RASGRF2: variants seen among roughly 807,000 people sequenced by gnomAD.
RASGRF2 encodes Ras protein specific guanine nucleotide releasing factor 2.
Under a neutral mutation model 151.0 loss-of-function variants are expected in RASGRF2, and 76 were observed. The ratio of observed to expected loss-of-function variants is 0.50; its 90% confidence interval spans 0.42 to 0.61. RASGRF2 has a LOEUF of 0.61. RASGRF2 is among the 20% of genes least tolerant of loss of function. The pLI, the probability that RASGRF2 is intolerant of heterozygous loss-of-function variation, is 0.00. For missense variants in RASGRF2, 1,148 were observed against 1,564.6 expected (o/e 0.73, Z 4.49); for synonymous variants, 504 against 566.5 (o/e 0.89, Z 1.57).
In RASGRF2 at chr5:81,225,841, G is replaced by A; in HGVS notation, c.*71G>A. 1 of 1,522,094 alleles carries A rather than the reference G, an allele frequency of 6.6e-7. No individual in the cohort carries two copies. The highest frequency in any genetic ancestry group is 8.9e-7 in the Non-Finnish European group (1 of 1,122,000). 94.3% of individuals were successfully genotyped at this position (1,522,094 alleles called of 1,614,324 possible). A position where few individuals can be genotyped will look rare whatever the true frequency, so the allele number is the denominator to read the frequency against. On this transcript the variant is annotated 3_prime_UTR_variant, in exon 27 of 27. Coordinates refer to ENST00000265080, the MANE Select transcript of RASGRF2 (RefSeq NM_006909.3). ...GGACAGACAGAATTGTGTATGCCTT[G>A]CCTATCACGGTACAGCACGAAGCCA...
At chr5:80,972,556 T>G (rs892957436) in intron 1 of RASGRF2, among the ~76,000 whole-genome samples, 6 of 152,174 alleles carry the variant, frequency 3.9e-5, no homozygotes, top group African/African-American at 1.2e-4. Flanking sequence ...CTCAGCTCAC[T>G]GCAGTCTTTG....
At chr5:81,018,845 C>G (rs563571219) in intron 1 of RASGRF2, among the ~76,000 whole-genome samples, 6 of 149,858 alleles carry the variant, frequency 4.0e-5, no homozygotes, top group African/African-American at 1.5e-4. Flanking sequence ...CTGTGTCACC[C>G]AGGCTGGAGC....
chr5:81,070,081 A>G (rs1477742379), intron 3 of RASGRF2: 3 of 172,660 alleles, frequency 1.7e-5, no homozygotes, highest in Non-Finnish European at 3.8e-5. Context: ...ACTACAGGCC[A>G]ATGGCCAGAA....
At chr5:81,056,321 T>C (rs1175207544) in intron 2 of RASGRF2, among the ~76,000 whole-genome samples, 5 of 152,214 alleles carry the variant, frequency 3.3e-5, no homozygotes, top group African/African-American at 1.2e-4. Context: ...GATTCTTGTA[T>C]GTTGTGTCTT....
At chr5:81,018,327 G>A (rs1749708335) in intron 1 of RASGRF2, among the ~76,000 whole-genome samples, 1 of 152,062 alleles carries the variant, frequency 6.6e-6, no homozygotes, top group Non-Finnish European at 1.5e-5. Context: ...CCTGTTTTAT[G>A]CCGACCTTAC....
At chr5:81,064,151 G>A (rs1284291068) in intron 2 of RASGRF2, among the ~76,000 whole-genome samples, 1 of 152,196 alleles carries the variant, frequency 6.6e-6, no homozygotes, top group African/African-American at 2.4e-5. Context: ...AACTGGGGAA[G>A]GATCCACTTC....
At position 81,070,526 on chromosome 5, in the gene RASGRF2, G is replaced by T; in HGVS notation, c.578G>T (p.Arg193Leu). The change falls in exon 4 of 27, where the codon CGA becomes CTA. Residue 193 changes from arginine (R) to leucine (L), a missense_variant. Physicochemically the swap from Arg to Leu is moderately radical, Grantham distance 102. Around this residue, in one of 5 missense-constraint regions of RASGRF2, gnomAD observed 221 missense variants for 271.3 expected, o/e 0.81. Transcript: ENST00000265080. Reference protein sequence around the residue: ...IALNKTKERMRPYQSNQEDED... With the variant: ...IALNKTKERMLPYQSNQEDED... ...CTTAATAAAACCAAAGAACGAATGCGACCTTACCAAAGCAACCAAGAAGAC... is the reference window on the plus strand; with the variant it reads ...CTTAATAAAACCAAAGAACGAATGCTACCTTACCAAAGCAACCAAGAAGAC... 1.2e-6 allele frequency: 2 copies of T among 1,611,416 alleles called. No homozygotes were observed. Among genetic ancestry groups the T allele is most frequent in the South Asian group, 2.2e-5 (2 of 90,974 alleles).
chr5:81,217,178 T>C (rs886850713), intron 24 of RASGRF2, among the ~76,000 whole-genome samples, 178 bp from the exon 25 acceptor site: 1 of 152,256 alleles, frequency 6.6e-6, no homozygotes, highest in African/African-American at 2.4e-5. Flanking sequence ...TGTATTATAT[T>C]CTACTGTGAA....
In RASGRF2 at chr5:81,113,286, A is replaced by G. The variant is rs1753052356; in HGVS notation, c.2088-252A>G. On this transcript the variant is annotated intron_variant, in intron 14 of 26. Coordinates refer to ENST00000265080, the MANE Select transcript of RASGRF2 (RefSeq NM_006909.3). ...GAGCCTGAGTTCTGAACGTCTAACA[A>G]GCTCCCCAGAGATCTCAATGCTGCT... The G allele has an allele frequency of 9.0e-6, 5 of 555,828 alleles. No homozygotes were observed. In the South Asian group the frequency reaches 1.2e-4, roughly 13 times the overall value. The allele number at this position is 555,828 out of a possible 1,614,324, so 34.4% of individuals were successfully genotyped here.
At chr5:81,138,161 G>A (rs1753799881) in intron 17 of RASGRF2, among the ~76,000 whole-genome samples, 1 of 152,108 alleles carries the variant, frequency 6.6e-6, no homozygotes, top group Non-Finnish European at 1.5e-5. Flanking sequence ...GTTAGGGTGG[G>A]GTGATGGTGG....
At chr5:81,042,840 A>G (rs749046087) in intron 1 of RASGRF2, 37 bp from the exon 2 acceptor site, 1 of 1,465,750 alleles carries the variant, frequency 6.8e-7, no homozygotes, top group South Asian at 1.2e-5. Flanking sequence ...TGCTTGAAAA[A>G]TAGAACTAAG....
chr5:81,207,180 T>C, intron 20 of RASGRF2, 66 bp from the exon 21 acceptor site: 1 of 1,337,426 alleles, frequency 7.5e-7, no homozygotes, highest in South Asian at 1.2e-5. Context: ...TCTGCCTCAC[T>C]GACCTGCAAT....
At chr5:80,977,677 G>T (rs188293847) in intron 1 of RASGRF2, among the ~76,000 whole-genome samples, 2 of 152,134 alleles carry the variant, frequency 1.3e-5, no homozygotes, top group African/African-American at 4.8e-5. Context: ...GGCTGGTCTC[G>T]AACTACTGAC....
intron 15 of RASGRF2, among the ~76,000 whole-genome samples, chr5:81,118,806 G>T (rs1753228636): frequency 6.6e-6 from 1 of 151,986 alleles, no homozygotes; most frequent in South Asian, 2.1e-4. Context: ...TCTTCCACCA[G>T]GTATCCTAGT....
intron 17 of RASGRF2, among the ~76,000 whole-genome samples, chr5:81,161,409 G>T (rs913504433): frequency 6.6e-6 from 1 of 152,210 alleles, no homozygotes; most frequent in Non-Finnish European, 1.5e-5. Context: ...TGCTGATTTG[G>T]TTTCATTTCA....
At chr5:81,015,363 A>T (rs1398351344) in intron 1 of RASGRF2, among the ~76,000 whole-genome samples, 2 of 152,144 alleles carry the variant, frequency 1.3e-5, no homozygotes, top group Non-Finnish European at 2.9e-5. Context: ...CAGTGGTTGA[A>T]CTAATTTAGA....
chr5:81,050,980 T>A (rs1750991012), intron 2 of RASGRF2, among the ~76,000 whole-genome samples: 1 of 152,140 alleles, frequency 6.6e-6, no homozygotes, highest in Non-Finnish European at 1.5e-5. Context: ...ACTATATCAG[T>A]GGGTTAAAAA....
intron 2 of RASGRF2, among the ~76,000 whole-genome samples, chr5:81,059,849 A>G (rs1751362889): frequency 6.6e-6 from 1 of 152,104 alleles, no homozygotes; most frequent in African/African-American, 2.4e-5. Flanking sequence ...ACCAAAAAAC[A>G]AAAAACAAAA....
chr5:81,134,690 C>T (rs1302443696), intron 17 of RASGRF2, among the ~76,000 whole-genome samples: 1 of 152,176 alleles, frequency 6.6e-6, no homozygotes, highest in Non-Finnish European at 1.5e-5. Context: ...AAAAATCTGA[C>T]TCCATATTAC....
Sources: gnomAD v4.1 joint callset for allele counts (sites outside exome capture counted in the v4.1 genomes callset) on GRCh38, gnomAD v4.1.1 for gene constraint, gnomAD v4.1.1 regional missense constraint, MANE v1.5 for transcripts, NCBI Gene and HGNC (gene_info 2026-07-23, HGNC 2026-07-21) for gene names.